LRP1B: variants seen among roughly 807,000 people sequenced by gnomAD.
LRP1B encodes the protein LDL receptor related protein 1B.
LRP1B carries 217 observed loss-of-function variants against 556.6 expected under a neutral mutation model. The observed-to-expected ratio is 0.39, with a 90% confidence interval of 0.35 to 0.44. LRP1B has a LOEUF of 0.44. Among genes scored for constraint, LRP1B ranks in the 20% least tolerant of loss-of-function variants. The pLI is 1.00. For missense variants in LRP1B, 5,053 were observed against 5,620.8 expected, an observed-to-expected ratio of 0.90 and a Z score of 3.23; for synonymous variants, 2,047 against 1,865.8, an observed-to-expected ratio of 1.10 and a Z score of -2.50.
At chr2:140,868,308 A>T (rs2105157121) in intron 25 of LRP1B, 45 bp from the exon 26 acceptor site, 1 of 1,485,184 alleles carries the variant, frequency 6.7e-7, no homozygotes, top group Non-Finnish European at 9.0e-7. Flanking sequence ...TGTTTCAGTC[A>T]TTCATTTCAC....
At chr2:140,392,551 G>A (rs1684069018) in intron 66 of LRP1B, among the ~76,000 whole-genome samples, 1 of 149,982 alleles carries the variant, frequency 6.7e-6, no homozygotes, top group African/African-American at 2.5e-5. Context: ...GCAGTGACAT[G>A]ATCTCAGCCC....
At chr2:140,707,149 A>G (rs1686868931) in intron 37 of LRP1B, among the ~76,000 whole-genome samples, 1 of 152,102 alleles carries the variant, frequency 6.6e-6, no homozygotes, top group Admixed American at 6.6e-5. Flanking sequence ...TTTGAGTTGC[A>G]ATTTTTACAA....
intron 18 of LRP1B, among the ~76,000 whole-genome samples, chr2:140,960,886 A>G (rs1364472332): frequency 6.6e-6 from 1 of 151,974 alleles, no homozygotes; most frequent in Non-Finnish European, 1.5e-5. Flanking sequence ...TTTAATGTGA[A>G]ATTACATGAC....
intron 6 of LRP1B, among the ~76,000 whole-genome samples, chr2:141,206,308 G>A (rs530677697): frequency 8.9e-4 from 136 of 152,086 alleles, no homozygotes; most frequent in African/African-American, 3.2e-3. Flanking sequence ...ATTGCCGGGC[G>A]CGGTGGCTCA....
At chr2:140,494,898 G>A (rs751127021) in intron 56 of LRP1B, among the ~76,000 whole-genome samples, 11 of 151,876 alleles carry the variant, frequency 7.2e-5, no homozygotes, top group South Asian at 2.1e-4. Flanking sequence ...AAAAACAAGC[G>A]GAATAGAGAT....
chr2:141,711,182 C>A (rs1376424267), intron 2 of LRP1B, among the ~76,000 whole-genome samples: 1 of 152,150 alleles, frequency 6.6e-6, no homozygotes, highest in South Asian at 2.1e-4. Flanking sequence ...ATACTTGAAA[C>A]TCCTTATGGG....
At chr2:140,796,060 T>TCTAC (rs1421731779) in intron 32 of LRP1B, among the ~76,000 whole-genome samples, 10 of 151,812 alleles carry the variant, frequency 6.6e-5, no homozygotes, top group Admixed American at 1.3e-4. Flanking sequence ...TCTATATCTA[T>TCTAC]CTATCTATCT....
chr2:141,318,198 C>T (rs894335094), intron 3 of LRP1B, among the ~76,000 whole-genome samples: 1 of 152,094 alleles, frequency 6.6e-6, no homozygotes, highest in Non-Finnish European at 1.5e-5. Context: ...AGTCACCATA[C>T]CAGGTACTAC....
At chr2:141,811,344 G>A (rs1696347825) in intron 1 of LRP1B, among the ~76,000 whole-genome samples, 1 of 151,738 alleles carries the variant, frequency 6.6e-6, no homozygotes, top group South Asian at 2.1e-4. Flanking sequence ...ACATTAAATA[G>A]GTCTCGGTGA....
chr2:141,935,510 C>T (rs1010395516), intron 1 of LRP1B, among the ~76,000 whole-genome samples: 1 of 151,802 alleles, frequency 6.6e-6, no homozygotes, highest in Non-Finnish European at 1.5e-5. Flanking sequence ...GCAGAACAGA[C>T]CAAGGAAAAT....
chr2:141,361,840 ATCAT>A (rs1688837669), intron 3 of LRP1B, among the ~76,000 whole-genome samples: 1 of 152,206 alleles, frequency 6.6e-6, no homozygotes, highest in Admixed American at 6.5e-5. Flanking sequence ...AAAAATATCT[ATCAT>A]TCATTCCACT....
chr2:140,325,897 C>A lies in LRP1B; in HGVS notation c.12224-19G>T, dbSNP rs1680446439. 1 of 1,423,778 alleles carries A rather than the reference C, an allele frequency of 7.0e-7. No homozygotes were observed. The highest frequency in any genetic ancestry group is 9.9e-7 in the Non-Finnish European group (1 of 1,010,842). The allele number at this position is 1,423,778 out of a possible 1,614,324, so 88.2% of individuals were successfully genotyped here. The stretch of plus-strand genomic sequence containing the variant: ...GCCAAACCTGCAAAATCAACACACA[C>A]AAGACAAATAGTGCAAGTAAATTTG... On this transcript the variant is annotated intron_variant, in intron 79 of 90. Transcript: ENST00000389484.
At chr2:141,902,059 AATAACAAAAAATTATAGTTAAAATT>A (rs1699633235) in intron 1 of LRP1B, among the ~76,000 whole-genome samples, 2 of 38,312 alleles carry the variant, frequency 5.2e-5, no homozygotes, top group Non-Finnish European at 1.3e-4. Flanking sequence ...TGAAAAAAGA[AATAACAAAAAATTATAGTTAAAATT>A]TCTTACTAAA....
chr2:140,327,947 TTGATTTTC>T (rs1180483779), intron 79 of LRP1B, among the ~76,000 whole-genome samples: 3 of 139,924 alleles, frequency 2.1e-5, no homozygotes, highest in Admixed American at 1.4e-4. Context: ...ATCAATACTT[TTGATTTTC>T]TATTAAGCCC....
chr2:140,755,745 T>C (rs1688722781), intron 35 of LRP1B, among the ~76,000 whole-genome samples: 1 of 152,024 alleles, frequency 6.6e-6, no homozygotes. Context: ...ACTGGATATT[T>C]ACCCCTTAAG....
chr2:141,467,845 G>GGGGGCGGGGC (rs1682302464), intron 3 of LRP1B, among the ~76,000 whole-genome samples: 2 of 127,364 alleles, frequency 1.6e-5, no homozygotes, highest in African/African-American at 5.6e-5. Context: ...GGACCGGGGG[G>GGGGGCGGGGC]GGGGGAATTC....
chr2:140,484,222 C>T (rs146871138), intron 59 of LRP1B, among the ~76,000 whole-genome samples: 9 of 152,170 alleles, frequency 5.9e-5, no homozygotes, highest in East Asian at 3.9e-4. Context: ...AACAAAAATA[C>T]GTGCACAGTA....
intron 41 of LRP1B, among the ~76,000 whole-genome samples, chr2:140,674,966 TC>T (rs1205561224): frequency 2.0e-5 from 3 of 152,250 alleles, no homozygotes; most frequent in Non-Finnish European, 2.9e-5. Context: ...CAGAGCTGCT[TC>T]CTTCTAGAGA....
intron 43 of LRP1B, among the ~76,000 whole-genome samples, chr2:140,590,549 G>A (rs1682179362): frequency 7.6e-6 from 1 of 132,054 alleles, no homozygotes; most frequent in African/African-American, 2.9e-5. Flanking sequence ...TTGTGGCCTA[G>A]ATCTCTTTCT....
Sources: gnomAD v4.1 joint callset for allele counts (sites outside exome capture counted in the v4.1 genomes callset) on GRCh38, gnomAD v4.1.1 for gene constraint, MANE v1.5 for transcripts, NCBI Gene and HGNC (gene_info 2026-07-23, HGNC 2026-07-21) for gene names.